Variants in GPC6 observed in about 807,000 individuals in gnomAD.
The protein encoded by GPC6 is glypican 6.
Under a neutral mutation model 55.2 loss-of-function variants are expected in GPC6, and 14 were observed. That is an observed-to-expected ratio of 0.25 (90% confidence interval 0.17 to 0.40). The LOEUF (loss-of-function observed/expected upper bound fraction) is 0.40. Among genes scored for constraint, GPC6 ranks in the 10% least tolerant of loss-of-function variants. GPC6 has a pLI of 1.00. For synonymous variants in GPC6, 278 were observed against 259.6 expected, an observed-to-expected ratio of 1.07 and a Z score of -0.68; for missense variants, 641 against 708.5, an observed-to-expected ratio of 0.90 and a Z score of 1.08.
chr13:94,406,250 ATATAT>A lies in GPC6; in HGVS notation c.*3038_*3042del, dbSNP rs1881361705. ...ACAGAAATACACGTCTGTAATTGGT[ATATAT>A]TATACTTTGTATGTGTCACAACAAA... On this transcript the variant is annotated 3_prime_UTR_variant, in exon 9 of 9. Transcript: ENST00000377047. The A allele has an allele frequency of 6.6e-6, 1 of 152,172 alleles. No individual in the cohort carries two copies. The highest frequency in any genetic ancestry group is 1.5e-5 in the Non-Finnish European group (1 of 67,992). 9.4% of individuals were successfully genotyped at this position (152,172 alleles called of 1,614,324 possible).
At chr13:94,320,964 T>C (rs561574373) in intron 6 of GPC6, among the ~76,000 whole-genome samples, 12 of 152,340 alleles carry the variant, frequency 7.9e-5, no homozygotes, top group South Asian at 6.2e-4. Flanking sequence ...GTTTGTTATA[T>C]AGGTAAATTG....
chr13:93,688,612 A>G (rs1015834921), intron 2 of GPC6, among the ~76,000 whole-genome samples: 1 of 152,076 alleles, frequency 6.6e-6, no homozygotes, highest in Non-Finnish European at 1.5e-5. Flanking sequence ...AATTATGACA[A>G]CATCCTACAA....
intron 3 of GPC6, among the ~76,000 whole-genome samples, chr13:93,838,550 A>G (rs1202935726): frequency 6.6e-6 from 1 of 152,218 alleles, no homozygotes; most frequent in Non-Finnish European, 1.5e-5. Context: ...GAAGAGCATC[A>G]CGTGAGCTGT....
intron 1 of GPC6, among the ~76,000 whole-genome samples, chr13:93,535,605 T>C (rs1254178633): frequency 2.0e-5 from 3 of 150,856 alleles, no homozygotes; most frequent in Non-Finnish European, 4.4e-5. Flanking sequence ...CGATATGTTT[T>C]CCCCAACCAT....
intron 1 of GPC6, among the ~76,000 whole-genome samples, chr13:93,374,441 T>C (rs1874803070): frequency 6.6e-6 from 1 of 152,150 alleles, no homozygotes; most frequent in African/African-American, 2.4e-5. Flanking sequence ...TATCCTCTCC[T>C]GCAACAGAGT....
intron 4 of GPC6, among the ~76,000 whole-genome samples, chr13:94,069,303 A>G (rs766013166): frequency 2.0e-5 from 3 of 152,162 alleles, no homozygotes; most frequent in African/African-American, 7.2e-5. Flanking sequence ...CAGGAGACCA[A>G]GTCCCTAGGC....
intron 3 of GPC6, among the ~76,000 whole-genome samples, chr13:93,978,620 G>A (rs115118100): frequency 0.01 from 1,592 of 152,012 alleles, 36 homozygotes; most frequent in African/African-American, 0.037. Context: ...CTTCTTCTTA[G>A]TCAATTTCTA....
rs544912927 is a variant in GPC6, at chr13:93,952,862, A to G, written c.712-74867A>G. Among the ~76,000 whole-genome samples, 548 of 108,760 alleles carry G rather than the reference A, an allele frequency of 5.0e-3. 5 individuals carry two copies. The highest frequency in any genetic ancestry group is 0.015 in the African/African-American group (518 of 34,538). 71.4% of individuals were successfully genotyped at this position (108,760 alleles called of 152,430 possible). On this transcript the variant is annotated intron_variant, in intron 3 of 8. Coordinates refer to ENST00000377047, the MANE Select transcript of GPC6 (RefSeq NM_005708.5). ...ATCACACATATATATACGTATATAT[A>G]TGTATATATATACATATATATATGT...
chr13:94,330,709 TG>T (rs1259488497), intron 6 of GPC6, among the ~76,000 whole-genome samples: 1 of 152,186 alleles, frequency 6.6e-6, no homozygotes, highest in African/African-American at 2.4e-5. Context: ...CTGTTAAAGG[TG>T]GATGATAATA....
chr13:94,072,489 G>A (rs1413065222), intron 4 of GPC6, among the ~76,000 whole-genome samples: 2 of 152,138 alleles, frequency 1.3e-5, no homozygotes, highest in African/African-American at 4.8e-5. Context: ...AAGTAGCTGG[G>A]ACTACAGGCA....
Position 93,864,373 on chromosome 13 carries a change from A to G in GPC6, c.711+33828A>G, listed in dbSNP as rs76191564. 4.7e-3 allele frequency among the ~76,000 whole-genome samples: 713 copies of G among 151,790 alleles called. 7 individuals are homozygous for G. The highest frequency in any genetic ancestry group is 0.016 in the African/African-American group (674 of 41,476). ...ATGATTGTTCTACACTATTAACACC[A>G]CATCTTATACTTCTCATGAGTATGT... On this transcript the variant is annotated intron_variant, in intron 3 of 8. Coordinates refer to ENST00000377047, the MANE Select transcript of GPC6 (RefSeq NM_005708.5).
At chr13:94,251,318 C>G (rs7997752) in intron 4 of GPC6, among the ~76,000 whole-genome samples, 108,292 of 150,094 alleles carry the variant, frequency 0.72, 40,135 homozygotes, top group African/African-American at 0.89. Context: ...GGGGGCAAAG[C>G]GGGGGAGAGC....
chr13:93,553,232 G>A (rs973284415), intron 2 of GPC6, among the ~76,000 whole-genome samples: 1 of 149,016 alleles, frequency 6.7e-6, no homozygotes, highest in African/African-American at 2.5e-5. Context: ...CACTGAGCCA[G>A]TGTAAGAGTT....
At chr13:94,185,574 T>A (rs1188525477) in intron 4 of GPC6, among the ~76,000 whole-genome samples, 1 of 151,880 alleles carries the variant, frequency 6.6e-6, no homozygotes, top group Admixed American at 6.6e-5. Context: ...ATAGAACAAT[T>A]TACCTCATTG....
chr13:93,877,517 T>G (rs1460998221), intron 3 of GPC6, among the ~76,000 whole-genome samples: 2 of 152,118 alleles, frequency 1.3e-5, no homozygotes, highest in African/African-American at 4.8e-5. Flanking sequence ...TTCCCATTCC[T>G]ATTTCAAAGG....
intron 1 of GPC6, among the ~76,000 whole-genome samples, chr13:93,516,244 A>G (rs1044973400): frequency 1.3e-5 from 2 of 152,200 alleles, no homozygotes; most frequent in Non-Finnish European, 2.9e-5. Context: ...AACTCTCTCC[A>G]GATGTGCAGT....
chr13:94,023,110 G>A (rs977572989), intron 3 of GPC6, among the ~76,000 whole-genome samples: 11 of 151,968 alleles, frequency 7.2e-5, no homozygotes, highest in African/African-American at 2.4e-4. Flanking sequence ...AAGAGGGATT[G>A]TGTTCTTTAT....
intron 2 of GPC6, among the ~76,000 whole-genome samples, chr13:93,764,551 A>C (rs1885050168): frequency 6.7e-6 from 1 of 149,194 alleles, no homozygotes; most frequent in African/African-American, 2.5e-5. Context: ...AAAGAATATG[A>C]AAGTTATTTA....
At chr13:93,765,251 TCCAGA>T in intron 2 of GPC6, among the ~76,000 whole-genome samples, 1 of 78,356 alleles carries the variant, frequency 1.3e-5, no homozygotes, top group African/African-American at 3.5e-5. Context: ...AAGACAACTT[TCCAGA>T]TAAGCTGTCT....
Sources: gnomAD v4.1 joint callset for allele counts (sites outside exome capture counted in the v4.1 genomes callset) on GRCh38, gnomAD v4.1.1 for gene constraint, MANE v1.5 for transcripts, NCBI Gene and HGNC (gene_info 2026-07-23, HGNC 2026-07-21) for gene names.